The following VPS13A variants were observed in gnomAD, a reference collection of about 807,000 sequenced individuals.
VPS13A encodes intermembrane lipid transfer protein VPS13A.
VPS13A carries 264 observed loss-of-function variants against 390.9 expected under a neutral mutation model. That is an observed-to-expected ratio of 0.68 (90% CI 0.61 to 0.75). VPS13A has a LOEUF of 0.75. Ranked by LOEUF, VPS13A falls within the 30% of genes least tolerant of loss-of-function variation. VPS13A has a pLI of 0.00. For synonymous variants in VPS13A, 1,231 were observed against 1,227.1 expected (o/e 1.00, Z -0.07); for missense variants, 3,409 against 3,733.9 (o/e 0.91, Z 2.27).
chr9:77,341,668 T>G (rs1204754685), intron 50 of VPS13A, among the ~76,000 whole-genome samples: 1 of 146,800 alleles, frequency 6.8e-6, no homozygotes, highest in Non-Finnish European at 1.5e-5. Flanking sequence ...TCATTCTGAG[T>G]AAGTTCTACA....
Position 77,339,100 on chromosome 9 carries a change from A to G in VPS13A, c.6379-416A>G, listed in dbSNP as rs190758879. 292 of 212,192 alleles carry G rather than the reference A, an allele frequency of 1.4e-3. 1 individual carries two copies. Among genetic ancestry groups the G allele is most frequent in the African/African-American group, 6.3e-3 (267 of 42,170 alleles). The allele number at this position is 212,192 out of a possible 1,614,324, so 13.1% of individuals were successfully genotyped here. A position where few individuals can be genotyped will look rare whatever the true frequency, so the allele number is the denominator to read the frequency against. ...AGGGATTGTGGAGGTAGTAGGGATT[A>G]CTTATTTTGGATTACCATCAGTTTT... On this transcript the variant is annotated intron_variant, in intron 47 of 71. Coordinates refer to ENST00000360280, the MANE Select transcript of VPS13A (RefSeq NM_033305.3).
intron 1 of VPS13A, among the ~76,000 whole-genome samples, chr9:77,179,997 TG>T: frequency 6.6e-6 from 1 of 152,316 alleles, no homozygotes; most frequent in East Asian, 1.9e-4. Flanking sequence ...TTTAACCTAA[TG>T]TATTTTCAAG....
chr9:77,185,527 G>A (rs1445795672), intron 1 of VPS13A, among the ~76,000 whole-genome samples: 4 of 152,140 alleles, frequency 2.6e-5, no homozygotes, highest in Non-Finnish European at 5.9e-5. Flanking sequence ...GGGATTGGGG[G>A]AAAAACTTCA....
chr9:77,221,540 C>T lies in VPS13A; in HGVS notation c.1161+184C>T, dbSNP rs919993775. ...TAATACAAGATTTGTTGAAATTCTC[C>T]AGTGAGCTTTTGAAATTCGAGATTA... On this transcript the variant is annotated intron_variant, in intron 13 of 71. Transcript: ENST00000360280. 2.0e-5 allele frequency among the ~76,000 whole-genome samples: 3 copies of T among 152,084 alleles called. No individual in the cohort carries two copies. The South Asian group carries it at 6.2e-4, about 31-fold the overall frequency.
chr9:77,389,086 CAATT>C (rs747311840), intron 68 of VPS13A, among the ~76,000 whole-genome samples: 3 of 152,080 alleles, frequency 2.0e-5, no homozygotes, highest in African/African-American at 4.8e-5. Context: ...GAAAAGGAAA[CAATT>C]ATCCTGTCTC....
Position 77,360,680 on chromosome 9 carries a change from G to A in VPS13A, c.8211+39G>A. 4 of 1,421,560 alleles carry A rather than the reference G, an allele frequency of 2.8e-6. No homozygotes were observed. The South Asian group carries it at 4.7e-5, about 17-fold the overall frequency. The allele number at this position is 1,421,560 out of a possible 1,614,324, so 88.1% of individuals were successfully genotyped here. A position where few individuals can be genotyped will look rare whatever the true frequency, so the allele number is the denominator to read the frequency against. On this transcript the variant is annotated intron_variant, in intron 59 of 71. Transcript: ENST00000360280. ...TAATAACATTTGATGGAAAGGATTA[G>A]GGAAAAGATATTATTATAAATTTTT...
chr9:77,338,990 A>G (rs1830677229), intron 47 of VPS13A: 1 of 166,066 alleles, frequency 6.0e-6, no homozygotes, highest in Admixed American at 6.0e-5. Flanking sequence ...AACTAAGATA[A>G]TAGAAGGGAG....
At chr9:77,294,544 G>A (rs924570985) in intron 32 of VPS13A, among the ~76,000 whole-genome samples, 1 of 152,060 alleles carries the variant, frequency 6.6e-6, no homozygotes, top group Non-Finnish European at 1.5e-5. Context: ...AAGTATTTGC[G>A]TGTTCATTTG....
intron 34 of VPS13A, among the ~76,000 whole-genome samples, chr9:77,304,300 C>A (rs190767003): frequency 6.6e-6 from 1 of 151,810 alleles, no homozygotes; most frequent in Non-Finnish European, 1.5e-5. Flanking sequence ...GTCAAAGTGG[C>A]TGGGTCAAAG....
At chr9:77,205,251 C>A (rs1589993739) in intron 3 of VPS13A, 62 bp from the exon 4 acceptor site, 2 of 896,228 alleles carry the variant, frequency 2.2e-6, no homozygotes, top group Non-Finnish European at 3.4e-6. Flanking sequence ...ATAGACTAAC[C>A]ATAAATGCAG....
At chr9:77,273,757 T>A (rs1383838890) in intron 24 of VPS13A, among the ~76,000 whole-genome samples, 2 of 152,158 alleles carry the variant, frequency 1.3e-5, no homozygotes, top group Non-Finnish European at 2.9e-5. Context: ...TACGCAGATA[T>A]GTCAGTGTTT....
At chr9:77,289,038 A>G (rs1324484499) in intron 31 of VPS13A, among the ~76,000 whole-genome samples, 4 of 152,028 alleles carry the variant, frequency 2.6e-5, no homozygotes, top group African/African-American at 9.7e-5. Flanking sequence ...TTCTTCGGTT[A>G]GGTTTGAATG....
intron 1 of VPS13A, among the ~76,000 whole-genome samples, chr9:77,197,247 G>A (rs1342963900): frequency 6.6e-6 from 1 of 152,152 alleles, no homozygotes; most frequent in Non-Finnish European, 1.5e-5. Flanking sequence ...CTGTTGGTGG[G>A]TGGAGTGTTC....
intron 45 of VPS13A, among the ~76,000 whole-genome samples, chr9:77,326,222 A>G (rs1299806884): frequency 6.6e-6 from 1 of 152,026 alleles, no homozygotes; most frequent in Non-Finnish European, 1.5e-5. Context: ...TTTGGTTATG[A>G]TGAATCTTAC....
intron 67 of VPS13A, among the ~76,000 whole-genome samples, chr9:77,373,216 C>T (rs1407332591): frequency 2.0e-5 from 3 of 150,060 alleles, no homozygotes; most frequent in Non-Finnish European, 4.5e-5. Context: ...GGAGGCATCA[C>T]ACTACCTGAC....
intron 42 of VPS13A, among the ~76,000 whole-genome samples, chr9:77,320,761 C>G (rs777114855): frequency 3.3e-5 from 5 of 152,056 alleles, no homozygotes; most frequent in African/African-American, 9.6e-5. Flanking sequence ...TAACACTGTT[C>G]TGCTACTATT....
chr9:77,389,306 CTCT>C (rs916059612), intron 68 of VPS13A, among the ~76,000 whole-genome samples: 1 of 141,880 alleles, frequency 7.0e-6, no homozygotes, highest in Non-Finnish European at 1.5e-5. Context: ...GTAAGCAGAA[CTCT>C]TTTTTTTTTT....
intron 41 of VPS13A, 150 bp from the exon 42 acceptor site, chr9:77,319,422 G>A (rs1768094154): frequency 3.1e-6 from 2 of 648,290 alleles, no homozygotes; most frequent in Non-Finnish European, 5.6e-6. Flanking sequence ...TATGAAGTTA[G>A]CCAGGTGAGG....
rs113053958 is a variant in VPS13A, at chr9:77,232,710, T to C, written c.1595+4446T>C. Among the ~76,000 whole-genome samples, 656 of 152,168 alleles carry C rather than the reference T, an allele frequency of 4.3e-3. 2 individuals carry two copies. Among genetic ancestry groups the C allele is most frequent in the Middle Eastern group, 6.8e-3 (2 of 294 alleles). ...CAAGAGAGAGCTTGTGCAGGGGAGCTCCCTTTATAAAACCATCAGACCTCA... is the reference window on the plus strand; with the variant it reads ...CAAGAGAGAGCTTGTGCAGGGGAGCCCCCTTTATAAAACCATCAGACCTCA... On this transcript the variant is annotated intron_variant, in intron 17 of 71. Coordinates refer to ENST00000360280, the MANE Select transcript of VPS13A (RefSeq NM_033305.3).
Sources: allele counts gnomAD v4.1 joint callset (sites outside exome capture counted in the v4.1 genomes callset), GRCh38; gene constraint gnomAD v4.1.1; transcripts MANE v1.5; gene names NCBI Gene and HGNC (gene_info 2026-07-23, HGNC 2026-07-21).